The following EPHA6 variants were observed in gnomAD, a reference collection of about 807,000 sequenced individuals.
EPHA6 encodes the protein ephrin type-A receptor 6.
A neutral mutation model predicts 112.0 loss-of-function variants in EPHA6; 50 were observed. That is an observed-to-expected ratio of 0.45 (90% CI 0.36 to 0.56). The LOEUF (loss-of-function observed/expected upper bound fraction) is 0.56. EPHA6 is among the 20% of genes least tolerant of loss of function. The pLI, the probability that EPHA6 is intolerant of heterozygous loss-of-function variation, is 0.00. For synonymous variants in EPHA6, 529 were observed against 490.7 expected (o/e 1.08, Z -1.03); for missense variants, 1,280 against 1,417.4 (o/e 0.90, Z 1.56).
chr3:97,407,893 C>A (rs1243225779), intron 6 of EPHA6, among the ~76,000 whole-genome samples: 2 of 151,952 alleles, frequency 1.3e-5, no homozygotes, highest in Non-Finnish European at 2.9e-5. Context: ...AGCAAGTATA[C>A]CCTTTGTCTT....
At chr3:97,435,318 T>C (rs1258439372) in intron 6 of EPHA6, among the ~76,000 whole-genome samples, 1 of 152,204 alleles carries the variant, frequency 6.6e-6, no homozygotes, top group Non-Finnish European at 1.5e-5. Context: ...TTTATTAATT[T>C]TGAATATGCA....
At chr3:96,950,274 A>C (rs2107716907) in intron 2 of EPHA6, among the ~76,000 whole-genome samples, 1 of 152,084 alleles carries the variant, frequency 6.6e-6, no homozygotes, top group Non-Finnish European at 1.5e-5. Flanking sequence ...TAGTTCTTGG[A>C]TTGTCCAAGA....
intron 3 of EPHA6, among the ~76,000 whole-genome samples, chr3:97,169,115 C>T (rs1192948688): frequency 1.3e-5 from 2 of 152,258 alleles, no homozygotes; most frequent in East Asian, 3.9e-4. Flanking sequence ...TCAATGTAGT[C>T]AATTTTTCCT....
intron 3 of EPHA6, among the ~76,000 whole-genome samples, chr3:97,187,733 GAAA>G (rs2077190640): frequency 6.8e-6 from 1 of 147,642 alleles, no homozygotes; most frequent in African/African-American, 2.5e-5. Flanking sequence ...AAGAAAGAAA[GAAA>G]GAAAGAAAGA....
intron 12 of EPHA6, among the ~76,000 whole-genome samples, chr3:97,606,591 G>T (rs905232271): frequency 1.3e-5 from 2 of 151,382 alleles, no homozygotes; most frequent in South Asian, 2.1e-4. Flanking sequence ...GATTTGAACT[G>T]AATGAGGATG....
intron 3 of EPHA6, among the ~76,000 whole-genome samples, chr3:97,065,654 T>C (rs1212245382): frequency 1.3e-5 from 2 of 152,106 alleles, no homozygotes; most frequent in Admixed American, 1.3e-4. Context: ...GTATTACATA[T>C]CACAAATATT....
intron 3 of EPHA6, among the ~76,000 whole-genome samples, chr3:97,182,457 A>T (rs1275534647): frequency 6.6e-6 from 1 of 151,826 alleles, no homozygotes; most frequent in African/African-American, 2.4e-5. Context: ...TTTTAGTTTT[A>T]CAATGACAGT....
chr3:97,068,685 G>A (rs1384167056), intron 3 of EPHA6, among the ~76,000 whole-genome samples: 3 of 151,860 alleles, frequency 2.0e-5, no homozygotes, highest in Non-Finnish European at 4.4e-5. Context: ...TTCATATGTT[G>A]AAACCCTAAC....
intron 3 of EPHA6, among the ~76,000 whole-genome samples, chr3:97,051,459 A>C (rs1219216830): frequency 6.6e-6 from 1 of 152,128 alleles, no homozygotes; most frequent in African/African-American, 2.4e-5. Flanking sequence ...ACCAGGCACT[A>C]TATGCTCTGT....
chr3:96,967,289 TTA>T (rs2042157371), intron 2 of EPHA6, among the ~76,000 whole-genome samples: 1 of 150,006 alleles, frequency 6.7e-6, no homozygotes, highest in South Asian at 2.1e-4. Context: ...ATGTATTACA[TTA>T]TATAATATAT....
At chr3:97,026,121 A>ATT (rs3038599) in intron 3 of EPHA6, among the ~76,000 whole-genome samples, 30 of 116,010 alleles carry the variant, frequency 2.6e-4, no homozygotes, top group South Asian at 8.5e-4. Flanking sequence ...TATGTGTCTG[A>ATT]TTTTTTTTTT....
At chr3:97,207,751 T>C (rs1408449592) in intron 3 of EPHA6, among the ~76,000 whole-genome samples, 1 of 152,196 alleles carries the variant, frequency 6.6e-6, no homozygotes, top group African/African-American at 2.4e-5. Flanking sequence ...AGCTTTATAA[T>C]AGAAGACTGT....
At chr3:96,828,398 G>A (rs2033805669) in intron 1 of EPHA6, among the ~76,000 whole-genome samples, 1 of 152,078 alleles carries the variant, frequency 6.6e-6, no homozygotes, top group African/African-American at 2.4e-5. Flanking sequence ...CTACCTATGT[G>A]TCCACGATGT....
chr3:96,837,072 C>A (rs939955853), intron 1 of EPHA6, among the ~76,000 whole-genome samples: 9 of 151,948 alleles, frequency 5.9e-5, no homozygotes, highest in African/African-American at 2.2e-4. Context: ...GATAGGGAGG[C>A]CAAGAGGAAT....
intron 5 of EPHA6, among the ~76,000 whole-genome samples, chr3:97,248,870 GC>G (rs2079055431): frequency 1.3e-5 from 2 of 152,014 alleles, no homozygotes; most frequent in Admixed American, 1.3e-4. Context: ...TATTTCAAAT[GC>G]CAACCTTTTA....
chr3:96,870,841 G>C (rs1424874325), intron 2 of EPHA6, among the ~76,000 whole-genome samples: 1 of 151,942 alleles, frequency 6.6e-6, no homozygotes, highest in Non-Finnish European at 1.5e-5. Flanking sequence ...ATAGAGAATG[G>C]AGTAACTACC....
chr3:97,006,444 G>A (rs553385077), intron 3 of EPHA6, among the ~76,000 whole-genome samples: 10 of 152,104 alleles, frequency 6.6e-5, no homozygotes, highest in Non-Finnish European at 1.5e-4. Context: ...TGTGGGGTCA[G>A]TGGTGATATC....
chr3:97,041,805 A>C (rs958889039), intron 3 of EPHA6, among the ~76,000 whole-genome samples: 1 of 152,044 alleles, frequency 6.6e-6, no homozygotes, highest in East Asian at 1.9e-4. Context: ...GGAGAGGGCT[A>C]CACACTTTTA....
chr3:97,725,687 T>TAGA (rs1216395084), intron 15 of EPHA6, among the ~76,000 whole-genome samples: 1 of 152,124 alleles, frequency 6.6e-6, no homozygotes, highest in Admixed American at 6.6e-5. Flanking sequence ...TCTTTGCAGA[T>TAGA]AAATATGTTA....
Sources: gnomAD v4.1 joint callset for allele counts (sites outside exome capture counted in the v4.1 genomes callset) on GRCh38, gnomAD v4.1.1 for gene constraint, MANE v1.5 for transcripts, NCBI Gene and HGNC (gene_info 2026-07-23, HGNC 2026-07-21) for gene names.